The following GRK1 variants were observed in gnomAD, a reference collection of about 807,000 sequenced individuals.
GRK1 encodes G protein-coupled receptor kinase 1.
A neutral mutation model predicts 41.7 loss-of-function variants in GRK1; 28 were observed. That is an observed-to-expected ratio of 0.67 (90% CI 0.50 to 0.92). The LOEUF (loss-of-function observed/expected upper bound fraction) is 0.92. Among genes scored for constraint, GRK1 ranks in the 40% least tolerant of loss-of-function variants. The probability of loss-of-function intolerance (pLI) is 0.00; values close to 1 mark genes in which losing one functional copy is unlikely to be tolerated. For synonymous variants in GRK1, 327 were observed against 286.7 expected (o/e 1.14, Z -1.42); for missense variants, 703 against 671.2 (o/e 1.05, Z -0.52).
chr13:113,666,496 G>T (rs1201371991), upstream of GRK1, among the ~76,000 whole-genome samples: 8 of 151,726 alleles, frequency 5.3e-5, no homozygotes, highest in Admixed American at 4.6e-4. Flanking sequence ...TGTCCCAGAT[G>T]TGCCCCAGGT....
the GRK1 span, chr13:113,649,626 G>A: frequency 7.2e-7 from 1 of 1,387,718 alleles, no homozygotes; most frequent in Admixed American, 3.1e-5. This position sits in a 1 kb window ranked among gnomAD's most constrained non-coding sequence, Gnocchi z 4.7. Context: ...CAGTCAGGTT[G>A]GTGCAGAGAA....
the GRK1 span, chr13:113,650,435 AGTGCAGACTGAAG>A: frequency 6.2e-7 from 1 of 1,613,930 alleles, no homozygotes; most frequent in African/African-American, 1.3e-5. This position sits in a 1 kb window ranked among gnomAD's most constrained non-coding sequence, Gnocchi z 5.0. Context: ...TAAGGGAAGT[AGTGCAGACTGAAG>A]GTGCCGTTGG....
At chr13:113,733,872 T>G (rs1309217537) in intron 6 of GRK1, among the ~76,000 whole-genome samples, 2 of 121,612 alleles carry the variant, frequency 1.6e-5, no homozygotes, top group African/African-American at 3.8e-5. Context: ...CGTGTGTGCG[T>G]GTGTGCATAC....
At chr13:113,657,388 G>T in the GRK1 span, among the ~76,000 whole-genome samples, 1 of 152,246 alleles carries the variant, frequency 6.6e-6, no homozygotes. Flanking sequence ...CCCGGAACGG[G>T]TGTGGCAGCC....
At chr13:113,656,590 C>T in the GRK1 span, among the ~76,000 whole-genome samples, 422 of 152,310 alleles carry the variant, frequency 2.8e-3, 2 homozygotes, top group Non-Finnish European at 3.5e-3. Flanking sequence ...GTCCCATTCC[C>T]GCCAGCTCCT....
the GRK1 span, chr13:113,654,851 C>T: frequency 1.6e-4 from 251 of 1,614,062 alleles, 3 homozygotes; most frequent in South Asian, 2.2e-3. Flanking sequence ...CCGGTGTGTA[C>T]GGGTCCACTG....
intron 1 of GRK1, among the ~76,000 whole-genome samples, chr13:113,669,021 T>C (rs1424608797): frequency 6.6e-6 from 1 of 152,234 alleles, no homozygotes; most frequent in African/African-American, 2.4e-5. Flanking sequence ...AAAAATTAGC[T>C]TTCTTGACAT....
At chr13:113,665,743 G>T (rs1292035155), upstream of GRK1, among the ~76,000 whole-genome samples, 2 of 147,084 alleles carry the variant, frequency 1.4e-5, no homozygotes, top group Non-Finnish European at 3.0e-5. Context: ...GCTGTCCCAG[G>T]TGTGTCCTAC....
Position 113,667,509 on chromosome 13 carries a change from G to A in GRK1, c.123G>A (p.Leu41=). 1 of 1,612,970 alleles carries A rather than the reference G, an allele frequency of 6.2e-7. No homozygotes were observed. Among genetic ancestry groups the A allele is most frequent in the Non-Finnish European group, 8.5e-7 (1 of 1,179,704 alleles). The change falls in exon 1 of 7, where the codon CTG becomes CTA. Residue 41 remains leucine (L), a synonymous_variant. Transcript: ENST00000335678. The surrounding 1 kb of genome is among the most constrained non-coding windows in gnomAD (Gnocchi z 7.5). ...RDKKYLAKLK[L]PPLSKCESLR... ...AGAAGTACCTGGCCAAGCTCAAGCT[G>A]CCCCCGCTGTCCAAGTGTGAGTCCC...
the GRK1 span, chr13:113,654,951 C>T: frequency 1.2e-6 from 2 of 1,613,650 alleles, no homozygotes; most frequent in Non-Finnish European, 1.7e-6. Flanking sequence ...CACTGCGACA[C>T]AAGGCAGGCA....
chr13:113,735,602 A>G lies in GRK1; in HGVS notation c.*239A>G, dbSNP rs2049998413. On this transcript the variant is annotated 3_prime_UTR_variant, in exon 7 of 7. Coordinates refer to ENST00000335678, the MANE Select transcript of GRK1 (RefSeq NM_002929.3). The stretch of plus-strand genomic sequence containing the variant: ...CTGCATATTTCACGTCTTTTGCTCC[A>G]TCTCACTGAGAAGACATAAGATGCT... 2.2e-6 allele frequency: 1 copy of G among 445,710 alleles called. No homozygotes were observed. The highest frequency in any genetic ancestry group is 5.5e-5 in the South Asian group (1 of 18,252). The allele number at this position is 445,710 out of a possible 1,614,324, so 27.6% of individuals were successfully genotyped here.
At chr13:113,734,142 G>A (rs1025647359) in intron 6 of GRK1, among the ~76,000 whole-genome samples, 1 of 152,160 alleles carries the variant, frequency 6.6e-6, no homozygotes, top group Non-Finnish European at 1.5e-5. Context: ...CTGTGGTCAG[G>A]TGGAAGGGTC....
In GRK1 at chr13:113,668,060, G is replaced by A. The variant is rs778823487; in HGVS notation, c.674G>A (p.Arg225Gln). 88 of 1,608,954 alleles carry A rather than the reference G, an allele frequency of 5.5e-5. No homozygotes were observed. The highest frequency in any genetic ancestry group is 6.7e-5 in the Non-Finnish European group (79 of 1,177,994). ...GCCTGCAAGAAGCTGAACAAGAAGC[G>A]GCTGAAGAAGAGGAAGGGCTACCAG... ...LYACKKLNKK[R>Q]LKKRKGYQGA... The change falls in exon 1 of 7, where the codon CGG becomes CAG. Residue 225 changes from arginine (R) to glutamine (Q), a missense_variant. Arg to Gln is a conservative substitution (Grantham distance 43, BLOSUM62 1). Transcript: ENST00000335678.
the GRK1 span, chr13:113,652,584 T>C: frequency 2.1e-6 from 1 of 478,946 alleles, no homozygotes; most frequent in Non-Finnish European, 3.9e-6. Flanking sequence ...CTGGCATCTC[T>C]GGCTGCCCTG....
At chr13:113,728,287 G>A (rs1366792672) in intron 4 of GRK1, among the ~76,000 whole-genome samples, 8 of 117,972 alleles carry the variant, frequency 6.8e-5, no homozygotes, top group African/African-American at 1.9e-4. Context: ...TACCCATGGC[G>A]ATGAGGAGTA....
In GRK1 at chr13:113,735,088, A is replaced by G. The variant is rs1237882621; in HGVS notation, c.1417A>G (p.Ile473Val). 1.5e-5 allele frequency: 23 copies of G among 1,519,424 alleles called. No individual in the cohort carries two copies. The highest frequency in any genetic ancestry group is 1.9e-5 in the Non-Finnish European group (21 of 1,132,932). 94.1% of individuals were successfully genotyped at this position (1,519,424 alleles called of 1,614,324 possible). A position where few individuals can be genotyped will look rare whatever the true frequency, so the allele number is the denominator to read the frequency against. ...CACAGGGATGCTGATGCCCCCTTTCATCCCAGACTCCAAAACTGTCTACGC... is the reference window on the plus strand; with the variant it reads ...CACAGGGATGCTGATGCCCCCTTTCGTCCCAGACTCCAAAACTGTCTACGC... ...LEAGMLMPPF[I>V]PDSKTVYAKD... The change falls in exon 7 of 7, where the codon ATC (isoleucine) becomes GTC (valine). Residue 473 changes from isoleucine (I) to valine (V), a missense_variant. Ile to Val is a conservative substitution (Grantham distance 29). Transcript: ENST00000335678.
chr13:113,664,406 A>G (rs1192627542), upstream of GRK1, among the ~76,000 whole-genome samples: 2 of 152,316 alleles, frequency 1.3e-5, no homozygotes, highest in East Asian at 3.9e-4. This position sits in a 1 kb window ranked among gnomAD's most constrained non-coding sequence, Gnocchi z 5.4. Context: ...TAAATCCACA[A>G]TTATCACAGA....
chr13:113,653,151 C>T, the GRK1 span: 1 of 1,516,328 alleles, frequency 6.6e-7, no homozygotes, highest in African/African-American at 1.4e-5. Context: ...CCTTGCAAGC[C>T]CTGAGTGCGA....
At chr13:113,733,355 T>C (rs2049951648) in intron 6 of GRK1, among the ~76,000 whole-genome samples, 1 of 152,176 alleles carries the variant, frequency 6.6e-6, no homozygotes. Context: ...ACCCAAACCT[T>C]CCACCACGTC....
Sources: allele counts gnomAD v4.1 joint callset (sites outside exome capture counted in the v4.1 genomes callset), GRCh38; gene constraint gnomAD v4.1.1; non-coding constraint Gnocchi (gnomAD v3.1); transcripts MANE v1.5; gene names NCBI Gene and HGNC (gene_info 2026-07-23, HGNC 2026-07-21).